The following PPP1R21 variants were observed in gnomAD, a reference collection of about 807,000 sequenced individuals.
PPP1R21 encodes KLRAQ motif containing 1.
Under a neutral mutation model 112.8 loss-of-function variants are expected in PPP1R21, and 85 were observed. The observed-to-expected ratio is 0.75, with a 90% confidence interval of 0.63 to 0.90. PPP1R21 has a LOEUF of 0.90. Among genes scored for constraint, PPP1R21 ranks in the 40% least tolerant of loss-of-function variants. The pLI, the probability that PPP1R21 is intolerant of heterozygous loss-of-function variation, is 0.00. For missense variants in PPP1R21, 1,199 were observed against 901.5 expected, an observed-to-expected ratio of 1.33 and a Z score of -4.23; for synonymous variants, 381 against 322.3, an observed-to-expected ratio of 1.18 and a Z score of -1.95.
At chr2:48,476,281 A>G (rs1668752330) in intron 12 of PPP1R21, among the ~76,000 whole-genome samples, 1 of 152,244 alleles carries the variant, frequency 6.6e-6, no homozygotes, top group Non-Finnish European at 1.5e-5. Context: ...AGCATGTATC[A>G]GTACTCAATT....
chr2:48,512,396 A>G (rs1670685042), intron 21 of PPP1R21, among the ~76,000 whole-genome samples: 1 of 147,388 alleles, frequency 6.8e-6, no homozygotes, highest in Non-Finnish European at 1.5e-5. Flanking sequence ...CATTTTCATA[A>G]CTCAGTATTA....
At chr2:48,511,909 T>A (rs1670661209) in intron 21 of PPP1R21, among the ~76,000 whole-genome samples, 1 of 152,140 alleles carries the variant, frequency 6.6e-6, no homozygotes, top group Non-Finnish European at 1.5e-5. Context: ...ATAATTTTCC[T>A]TAATATCATT....
chr2:48,492,826 A>G (rs77535714), intron 15 of PPP1R21, among the ~76,000 whole-genome samples: 6 of 152,234 alleles, frequency 3.9e-5, no homozygotes, highest in Non-Finnish European at 7.3e-5. Context: ...AAGGTTACCT[A>G]TTTATAGTTT....
chr2:48,504,572 T>G (rs1572896357), intron 17 of PPP1R21, among the ~76,000 whole-genome samples: 1 of 151,786 alleles, frequency 6.6e-6, no homozygotes, highest in Non-Finnish European at 1.5e-5. Context: ...ACCCGGGAGG[T>G]GGAGGTTGCA....
At chr2:48,506,496 T>C (rs60948278) in intron 18 of PPP1R21, among the ~76,000 whole-genome samples, 4,919 of 152,336 alleles carry the variant, frequency 0.032, 236 homozygotes, top group African/African-American at 0.11. Flanking sequence ...TGGAAGATTC[T>C]TTGATTTCTG....
In PPP1R21 at chr2:48,515,193, CTTTTTAAAAGAT is replaced by C. The variant is rs1466638200; in HGVS notation, c.*452_*463del. 7.3e-6 allele frequency: 1 copy of C among 137,342 alleles called. No individual in the cohort carries two copies. The highest frequency in any genetic ancestry group is 1.6e-5 in the Non-Finnish European group (1 of 64,274). 8.5% of individuals were successfully genotyped at this position (137,342 alleles called of 1,614,324 possible). A position where few individuals can be genotyped will look rare whatever the true frequency, so the allele number is the denominator to read the frequency against. ...TATAGTTGAAGGCATTCTCCAGATT[CTTTTTAAAAGAT>C]TTGTTCATATTTCTCTCTCTCTCTC... On this transcript the variant is annotated 3_prime_UTR_variant, in exon 22 of 22. Transcript: ENST00000294952.
At chr2:48,443,790 T>C (rs1437157945) in intron 1 of PPP1R21, among the ~76,000 whole-genome samples, 1 of 152,214 alleles carries the variant, frequency 6.6e-6, no homozygotes, top group Non-Finnish European at 1.5e-5. Flanking sequence ...ATTCCACCTT[T>C]TTATTACCTT....
chr2:48,506,074 AAAT>A (rs369029537), intron 18 of PPP1R21, among the ~76,000 whole-genome samples: 47 of 152,274 alleles, frequency 3.1e-4, no homozygotes, highest in African/African-American at 1.1e-3. Context: ...TTGAATTTTG[AAAT>A]ATTCTAAGAT....
intron 1 of PPP1R21, among the ~76,000 whole-genome samples, chr2:48,443,768 A>G (rs1168089689): frequency 6.6e-6 from 1 of 152,236 alleles, no homozygotes; most frequent in Admixed American, 6.5e-5. Context: ...CTCCAGTCCT[A>G]TGCCTAAGAG....
intron 13 of PPP1R21, among the ~76,000 whole-genome samples, chr2:48,481,854 A>G (rs1669027351): frequency 6.6e-6 from 1 of 152,204 alleles, no homozygotes; most frequent in South Asian, 2.1e-4. Flanking sequence ...TAAGTGGAAA[A>G]TTCCGCACTT....
At chr2:48,446,328 G>C (rs1157657925) in intron 1 of PPP1R21, among the ~76,000 whole-genome samples, 1 of 152,188 alleles carries the variant, frequency 6.6e-6, no homozygotes, top group Non-Finnish European at 1.5e-5. Flanking sequence ...CCAGCACTCT[G>C]TGTCCTAGAA....
At chr2:48,473,195 T>C (rs1668601542) in intron 11 of PPP1R21, among the ~76,000 whole-genome samples, 1 of 151,956 alleles carries the variant, frequency 6.6e-6, no homozygotes. Context: ...GTGCATATGA[T>C]AGGATATTAG....
At chr2:48,490,875 A>G (rs1572879405) in intron 14 of PPP1R21, 143 bp from the exon 15 acceptor site, 1 of 666,798 alleles carries the variant, frequency 1.5e-6, no homozygotes, top group South Asian at 1.9e-5. Flanking sequence ...AAATAAATAA[A>G]TGTGGACTTT....
At position 48,454,824 on chromosome 2, in the gene PPP1R21, C is replaced by G; in HGVS notation, c.273+83C>G. 5 of 1,024,326 alleles carry G rather than the reference C, an allele frequency of 4.9e-6. No individual in the cohort carries two copies. In the East Asian group the frequency reaches 7.2e-5, roughly 15 times the overall value. The allele number at this position is 1,024,326 out of a possible 1,614,324, so 63.5% of individuals were successfully genotyped here. A position where few individuals can be genotyped will look rare whatever the true frequency, so the allele number is the denominator to read the frequency against. ...GGGCATCCTGGTTTTAACAGAAGAC[C>G]CCACTGCCGAATTATTTTTTTCTTT... On this transcript the variant is annotated intron_variant, in intron 3 of 21. Transcript: ENST00000294952.
chr2:48,492,442 G>C (rs941321642), intron 15 of PPP1R21, among the ~76,000 whole-genome samples: 1 of 151,632 alleles, frequency 6.6e-6, no homozygotes, highest in East Asian at 1.9e-4. Flanking sequence ...GTCATTTCAC[G>C]TGGAACTCAC....
intron 9 of PPP1R21, among the ~76,000 whole-genome samples, chr2:48,467,441 G>C (rs1035474018): frequency 6.6e-6 from 1 of 152,198 alleles, no homozygotes; most frequent in African/African-American, 2.4e-5. Flanking sequence ...TCTCACAGTT[G>C]CTGCGGGTCA....
chr2:48,467,216 T>C (rs1000273237), intron 9 of PPP1R21, among the ~76,000 whole-genome samples: 1 of 152,218 alleles, frequency 6.6e-6, no homozygotes, highest in Non-Finnish European at 1.5e-5. Flanking sequence ...TAAATGTCAC[T>C]TTCTTCAATC....
intron 1 of PPP1R21, chr2:48,441,314 C>G: frequency 2.1e-6 from 1 of 470,902 alleles, no homozygotes; most frequent in East Asian, 4.7e-5. Context: ...GCCTCTAATG[C>G]TGGCTGAGAA....
intron 15 of PPP1R21, 140 bp downstream of exon 15, chr2:48,491,310 G>A: frequency 1.1e-6 from 1 of 901,852 alleles, no homozygotes; most frequent in Non-Finnish European, 1.6e-6. Context: ...TGTTGGGGGA[G>A]GGCTGTGGGG....
Sources: gnomAD v4.1 joint callset for allele counts (sites outside exome capture counted in the v4.1 genomes callset) on GRCh38, gnomAD v4.1.1 for gene constraint, MANE v1.5 for transcripts, NCBI Gene and HGNC (gene_info 2026-07-23, HGNC 2026-07-21) for gene names.